Variants in GRID2 observed in about 807,000 individuals in gnomAD.
The protein encoded by GRID2 is glutamate receptor ionotropic, delta-2.
A neutral mutation model predicts 114.8 loss-of-function variants in GRID2; 33 were observed. The ratio of observed to expected loss-of-function variants is 0.29; its 90% confidence interval spans 0.22 to 0.38. The LOEUF (loss-of-function observed/expected upper bound fraction) is 0.38. GRID2 is among the 10% of genes least tolerant of loss of function. The pLI is 1.00. For missense variants in GRID2, 1,184 were observed against 1,257.7 expected, an observed-to-expected ratio of 0.94 and a Z score of 0.89; for synonymous variants, 505 against 449.9, an observed-to-expected ratio of 1.12 and a Z score of -1.55.
At chr4:92,643,355 G>T (rs949112768) in intron 2 of GRID2, among the ~76,000 whole-genome samples, 1 of 151,628 alleles carries the variant, frequency 6.6e-6, no homozygotes, top group African/African-American at 2.4e-5. Flanking sequence ...TCAGGCAAGA[G>T]AAGGAAATAA....
intron 2 of GRID2, among the ~76,000 whole-genome samples, chr4:92,647,879 G>T (rs552920949): frequency 6.7e-6 from 1 of 149,558 alleles, no homozygotes; most frequent in Non-Finnish European, 1.5e-5. Flanking sequence ...GAAATTAGTT[G>T]AATTAGACAG....
At chr4:93,662,650 T>A (rs1351766001) in intron 14 of GRID2, among the ~76,000 whole-genome samples, 1 of 152,172 alleles carries the variant, frequency 6.6e-6, no homozygotes, top group Non-Finnish European at 1.5e-5. Context: ...TGAAAAGAGA[T>A]GAGTGGTGAA....
intron 1 of GRID2, among the ~76,000 whole-genome samples, chr4:92,354,030 G>A (rs1459897673): frequency 1.3e-5 from 2 of 151,942 alleles, no homozygotes; most frequent in Non-Finnish European, 2.9e-5. Flanking sequence ...TTCCGATTTA[G>A]GCAAAAAGAG....
chr4:93,460,825 A>G (rs1723667843), intron 11 of GRID2, among the ~76,000 whole-genome samples: 1 of 152,010 alleles, frequency 6.6e-6, no homozygotes, highest in South Asian at 2.1e-4. Context: ...AAATGACTTA[A>G]AACTCACTAA....
intron 2 of GRID2, among the ~76,000 whole-genome samples, chr4:92,788,993 A>T (rs912268092): frequency 5.3e-5 from 8 of 151,916 alleles, no homozygotes; most frequent in African/African-American, 1.4e-4. Flanking sequence ...ATATTTTAAT[A>T]AATAGTCACA....
At chr4:93,592,158 A>C (rs916293420) in intron 13 of GRID2, among the ~76,000 whole-genome samples, 3 of 151,830 alleles carry the variant, frequency 2.0e-5, no homozygotes, top group Non-Finnish European at 4.4e-5. Flanking sequence ...TAGGGTGTCA[A>C]TTTTAGATCT....
chr4:92,685,612 C>T (rs17019756), intron 2 of GRID2, among the ~76,000 whole-genome samples: 11,820 of 152,062 alleles, frequency 0.078, 487 homozygotes, highest in East Asian at 0.088. Flanking sequence ...CACATATTTT[C>T]ATAGAGTTCA....
intron 2 of GRID2, among the ~76,000 whole-genome samples, chr4:92,893,548 C>T (rs1175066674): frequency 6.6e-6 from 1 of 152,096 alleles, no homozygotes; most frequent in Non-Finnish European, 1.5e-5. Context: ...AGCATGATCC[C>T]AAAAGTATGC....
At chr4:92,423,250 G>A (rs868447140) in intron 1 of GRID2, among the ~76,000 whole-genome samples, 34 of 152,100 alleles carry the variant, frequency 2.2e-4, no homozygotes, top group African/African-American at 7.7e-4. Flanking sequence ...TGTTAAAAAA[G>A]CAAATGGAGT....
chr4:92,898,896 C>T (rs1015953050), intron 2 of GRID2, among the ~76,000 whole-genome samples: 2 of 151,996 alleles, frequency 1.3e-5, no homozygotes, highest in South Asian at 2.1e-4. Context: ...TTAGAAGAAA[C>T]ATGTTAAAAA....
chr4:92,659,492 AT>A (rs2149268047), intron 2 of GRID2, among the ~76,000 whole-genome samples: 1 of 151,670 alleles, frequency 6.6e-6, no homozygotes, highest in South Asian at 2.1e-4. Flanking sequence ...CTCAAAGATA[AT>A]TTTATTTAAG....
intron 2 of GRID2, among the ~76,000 whole-genome samples, chr4:92,748,632 G>GTATTATTATTATTATTAT (rs10673614): frequency 2.2e-5 from 3 of 137,768 alleles, no homozygotes; most frequent in Non-Finnish European, 3.1e-5. Context: ...TAATTAAATT[G>GTATTATTATTATTATTAT]TATTATTATT....
At chr4:92,880,661 C>T (rs1056537743) in intron 2 of GRID2, among the ~76,000 whole-genome samples, 1 of 152,010 alleles carries the variant, frequency 6.6e-6, no homozygotes, top group Non-Finnish European at 1.5e-5. Context: ...ATAAATATGG[C>T]CTTTTCAAAA....
intron 2 of GRID2, among the ~76,000 whole-genome samples, chr4:92,933,023 T>C (rs553251013): frequency 6.6e-6 from 1 of 151,072 alleles, no homozygotes; most frequent in Non-Finnish European, 1.5e-5. Flanking sequence ...AGGCTTATAA[T>C]ACAATTAGCA....
intron 2 of GRID2, among the ~76,000 whole-genome samples, chr4:92,933,081 T>C (rs1750368229): frequency 6.6e-6 from 1 of 150,914 alleles, no homozygotes; most frequent in Non-Finnish European, 1.5e-5. Flanking sequence ...TTATTTTATA[T>C]ACATTATAAT....
At chr4:93,381,965 A>G (rs1487001562) in intron 8 of GRID2, among the ~76,000 whole-genome samples, 1 of 152,076 alleles carries the variant, frequency 6.6e-6, no homozygotes. Context: ...CAACTTTTGT[A>G]TACCTAGAAA....
chr4:92,908,072 G>GT (rs1372344866), intron 2 of GRID2, among the ~76,000 whole-genome samples: 59 of 152,054 alleles, frequency 3.9e-4, no homozygotes, highest in African/African-American at 1.4e-3. Flanking sequence ...TAAAAACACA[G>GT]TAAGTTTTTC....
At chr4:93,093,651 A>G (rs1169129908) in intron 3 of GRID2, among the ~76,000 whole-genome samples, 45 of 151,796 alleles carry the variant, frequency 3.0e-4, no homozygotes, top group Admixed American at 3.0e-3. Flanking sequence ...TGAAACCCCC[A>G]CCAAATAGTT....
intron 3 of GRID2, among the ~76,000 whole-genome samples, chr4:93,088,145 AT>A (rs1730484896): frequency 6.6e-6 from 1 of 152,186 alleles, no homozygotes; most frequent in Admixed American, 6.5e-5. Flanking sequence ...AAAGCAGTTA[AT>A]TATAATTAAG....
Sources: gnomAD v4.1 joint callset for allele counts (sites outside exome capture counted in the v4.1 genomes callset) on GRCh38, gnomAD v4.1.1 for gene constraint, MANE v1.5 for transcripts, NCBI Gene and HGNC (gene_info 2026-07-23, HGNC 2026-07-21) for gene names.